SDK1: variants seen among roughly 807,000 people sequenced by gnomAD.
The protein encoded by SDK1 is sidekick cell adhesion molecule 1.
Under a neutral mutation model 245.5 loss-of-function variants are expected in SDK1, and 157 were observed. The ratio of observed to expected loss-of-function variants is 0.64; its 90% CI spans 0.56 to 0.73. SDK1 has a LOEUF of 0.73. SDK1 is among the 30% of genes least tolerant of loss of function. The pLI, the probability that SDK1 is intolerant of heterozygous loss-of-function variation, is 0.00. For synonymous variants in SDK1, 1,647 were observed against 1,278.5 expected (o/e 1.29, Z -6.15); for missense variants, 3,583 against 3,002.3 (o/e 1.19, Z -4.52).
At chr7:3,725,573 ACTCTTTGGCG>A (rs1778982988) in intron 4 of SDK1, among the ~76,000 whole-genome samples, 1 of 152,120 alleles carries the variant, frequency 6.6e-6, no homozygotes, top group African/African-American at 2.4e-5. Context: ...CACTCTTGCC[ACTCTTTGGCG>A]CTCTACTTTT....
chr7:3,324,523 T>A (rs1249028330), intron 1 of SDK1, among the ~76,000 whole-genome samples: 1 of 152,138 alleles, frequency 6.6e-6, no homozygotes. Context: ...TGGAAGTTTG[T>A]TTGCTCCTGA....
chr7:3,496,697 G>A lies in SDK1; in HGVS notation c.299-122383G>A, dbSNP rs141233322. Among the ~76,000 whole-genome samples the A allele has an allele frequency of 2.6e-5, 4 of 152,308 alleles. No individual in the cohort carries two copies. In the East Asian group the frequency reaches 5.8e-4, roughly 22 times the overall value. Reference sequence around the variant, plus strand: ...GTCTCCTTTCTTTTTGATGAAGAATGTCTGTGTTCCGACTACTTTACTTCT... The same window carrying A: ...GTCTCCTTTCTTTTTGATGAAGAATATCTGTGTTCCGACTACTTTACTTCT... On this transcript the variant is annotated intron_variant, in intron 1 of 44. Coordinates refer to ENST00000404826, the MANE Select transcript of SDK1 (RefSeq NM_152744.4).
intron 4 of SDK1, among the ~76,000 whole-genome samples, chr7:3,714,123 A>C (rs556263682): frequency 1.3e-5 from 2 of 152,296 alleles, no homozygotes; most frequent in South Asian, 2.1e-4. Context: ...CAGGAATTCA[A>C]AACAACAACA....
chr7:3,410,997 A>G (rs1004583553), intron 1 of SDK1, among the ~76,000 whole-genome samples: 1 of 152,126 alleles, frequency 6.6e-6, no homozygotes, highest in African/African-American at 2.4e-5. Flanking sequence ...CTAACACACA[A>G]GGAAGCTGTT....
At chr7:4,191,738 C>T (rs996019976) in intron 35 of SDK1, among the ~76,000 whole-genome samples, 1 of 152,230 alleles carries the variant, frequency 6.6e-6, no homozygotes, top group African/African-American at 2.4e-5. Flanking sequence ...CTGTGAGTGG[C>T]AGAGCTCAGG....
In SDK1 at chr7:3,475,921, T is replaced by A. The variant is rs112817914; in HGVS notation, c.299-143159T>A. ...AAACCATTAATTAAACATTTTGACTTTCCCTTTAAAATTCTGTTAGCATTT... is the reference window on the plus strand; with the variant it reads ...AAACCATTAATTAAACATTTTGACTATCCCTTTAAAATTCTGTTAGCATTT... On this transcript the variant is annotated intron_variant, in intron 1 of 44. Transcript: ENST00000404826. 6.3e-3 allele frequency: 959 copies of A among 152,752 alleles called. 4 individuals are homozygous for A. Among genetic ancestry groups the A allele is most frequent in the Middle Eastern group, 0.014 (4 of 294 alleles). 9.5% of individuals were successfully genotyped at this position (152,752 alleles called of 1,614,324 possible). A position where few individuals can be genotyped will look rare whatever the true frequency, so the allele number is the denominator to read the frequency against.
At chr7:4,099,381 G>A (rs1263991988) in intron 22 of SDK1, among the ~76,000 whole-genome samples, 1 of 147,884 alleles carries the variant, frequency 6.8e-6, no homozygotes, top group Non-Finnish European at 1.5e-5. Context: ...GGAGGCAGAG[G>A]AGGAGGGGAC....
intron 4 of SDK1, among the ~76,000 whole-genome samples, chr7:3,693,481 C>T (rs911900838): frequency 6.6e-5 from 10 of 152,164 alleles, no homozygotes; most frequent in Non-Finnish European, 1.5e-5. Context: ...TACAACATTG[C>T]CCCATTTCCT....
rs1009974747 is a variant in SDK1, at chr7:4,265,110, C to T, written c.6382-14C>T. On this transcript the variant is annotated splice_polypyrimidine_tract_variant and intron_variant, in intron 44 of 44. Coordinates refer to ENST00000404826, the MANE Select transcript of SDK1 (RefSeq NM_152744.4). ...CCTGCCCTGCACTCACACCTTCTCT[C>T]CCGCTCCCCGCAGGCCACGGACTCT... The T allele has an allele frequency of 1.6e-5, 26 of 1,607,772 alleles. No homozygotes were observed. The highest frequency in any genetic ancestry group is 1.2e-4 in the African/African-American group (9 of 74,958).
chr7:3,763,321 C>A (rs546241121), intron 4 of SDK1, among the ~76,000 whole-genome samples: 8 of 152,004 alleles, frequency 5.3e-5, no homozygotes, highest in African/African-American at 1.4e-4. Context: ...GCATACAACT[C>A]GATCATTTTT....
chr7:4,072,048 G>T (rs1032004138), intron 20 of SDK1, among the ~76,000 whole-genome samples: 37 of 152,260 alleles, frequency 2.4e-4, no homozygotes, highest in Non-Finnish European at 4.6e-4. Context: ...CGGCTAAGCA[G>T]TGGTTGCCAA....
intron 1 of SDK1, among the ~76,000 whole-genome samples, chr7:3,536,061 A>AT (rs5881991): frequency 0.25 from 37,329 of 148,384 alleles, 4,798 homozygotes; most frequent in East Asian, 0.33. Context: ...TGGCAGAATA[A>AT]TTTTTTTTTT....
At chr7:3,449,986 G>A (rs964929082) in intron 1 of SDK1, among the ~76,000 whole-genome samples, 1 of 152,224 alleles carries the variant, frequency 6.6e-6, no homozygotes, top group Admixed American at 6.5e-5. Context: ...GGGTCGACGA[G>A]ACTTCATGGA....
At chr7:3,377,275 C>G (rs1781378037) in intron 1 of SDK1, among the ~76,000 whole-genome samples, 1 of 152,118 alleles carries the variant, frequency 6.6e-6, no homozygotes. Flanking sequence ...TTAAGATCTT[C>G]AAGTCCTGAT....
intron 1 of SDK1, among the ~76,000 whole-genome samples, chr7:3,427,296 A>G (rs999688133): frequency 6.6e-6 from 1 of 152,164 alleles, no homozygotes; most frequent in African/African-American, 2.4e-5. Context: ...AGACAGACGG[A>G]TTGCCTGAGG....
rs560568160 is a variant in SDK1 at position 4,084,441 on chromosome 7, A to G, written c.3324+4857A>G. The stretch of plus-strand genomic sequence containing the variant: ...CGGCATGAGGCTCCACTCTTTGATG[A>G]CTTCCTGCCTCAAGCTGAGATGGAG... On this transcript the variant is annotated intron_variant, in intron 22 of 44. Transcript: ENST00000404826. Among the ~76,000 whole-genome samples the G allele has an allele frequency of 1.0e-3, 158 of 152,232 alleles. 1 individual carries two copies. Among genetic ancestry groups the G allele is most frequent in the African/African-American group, 3.6e-3 (150 of 41,536 alleles).
chr7:3,737,196 C>T (rs1175730642), intron 4 of SDK1, among the ~76,000 whole-genome samples: 1 of 152,170 alleles, frequency 6.6e-6, no homozygotes, highest in Non-Finnish European at 1.5e-5. Flanking sequence ...CTGACAGGAC[C>T]CCCTGCTGGG....
intron 1 of SDK1, among the ~76,000 whole-genome samples, chr7:3,383,553 T>G (rs1449711804): frequency 6.6e-6 from 1 of 152,190 alleles, no homozygotes; most frequent in African/African-American, 2.4e-5. Context: ...ACTTAAAAAG[T>G]ATCTGGCTAA....
intron 1 of SDK1, among the ~76,000 whole-genome samples, chr7:3,519,746 A>G (rs929673190): frequency 4.6e-5 from 7 of 152,180 alleles, no homozygotes; most frequent in African/African-American, 7.2e-5. Context: ...AATAGAGGTT[A>G]TCATTAAATA....
Sources: allele counts gnomAD v4.1 joint callset (sites outside exome capture counted in the v4.1 genomes callset), GRCh38; gene constraint gnomAD v4.1.1; transcripts MANE v1.5; gene names NCBI Gene and HGNC (gene_info 2026-07-23, HGNC 2026-07-21).